The following LRFN5 variants were observed in gnomAD, a reference collection of about 807,000 sequenced individuals.
LRFN5 encodes leucine rich repeat and fibronectin type III domain containing 5.
A neutral mutation model predicts 45.6 loss-of-function variants in LRFN5; 24 were observed. The ratio of observed to expected loss-of-function variants is 0.53; its 90% CI spans 0.38 to 0.74. The LOEUF (loss-of-function observed/expected upper bound fraction) is 0.74. Among genes scored for constraint, LRFN5 ranks in the 30% least tolerant of loss-of-function variants. The probability of loss-of-function intolerance (pLI) is 0.00; values close to 1 mark genes in which losing one functional copy is unlikely to be tolerated. For missense variants in LRFN5, 776 were observed against 861.5 expected (o/e 0.90, Z 1.24); for synonymous variants, 340 against 313.8 (o/e 1.08, Z -0.88).
chr14:41,780,496 C>T (rs1346542116), intron 2 of LRFN5, among the ~76,000 whole-genome samples: 1 of 152,098 alleles, frequency 6.6e-6, no homozygotes, highest in East Asian at 1.9e-4. Context: ...GATATAGCTA[C>T]TTCAGCTTTC....
At position 41,899,258 on chromosome 14, in the gene LRFN5, A is replaced by G. The variant is rs75659507; in HGVS notation, c.2142+298A>G. 7.8e-3 allele frequency among the ~76,000 whole-genome samples: 1,180 copies of G among 152,246 alleles called. 18 individuals carry two copies. The highest frequency in any genetic ancestry group is 0.027 in the African/African-American group (1,131 of 41,560). ...TCACTCTTGTAGTCATACATGATAC[A>G]ATGTGCATTTTTACAAATATTTCCA... On this transcript the variant is annotated intron_variant, in intron 5 of 5. Coordinates refer to ENST00000298119, the MANE Select transcript of LRFN5 (RefSeq NM_152447.5).
intron 2 of LRFN5, among the ~76,000 whole-genome samples, chr14:41,822,858 T>G (rs1303076024): frequency 8.8e-6 from 1 of 113,336 alleles, no homozygotes; most frequent in Admixed American, 9.7e-5. Flanking sequence ...GGGTTGTTTT[T>G]TTTTTTTTTT....
In LRFN5 at chr14:41,795,280, G is replaced by A. The variant is rs1887079026; in HGVS notation, c.-21+28251G>A. 5.3e-5 allele frequency among the ~76,000 whole-genome samples: 8 copies of A among 152,174 alleles called. No homozygotes were observed. The South Asian group carries it at 1.7e-3, about 32-fold the overall frequency. ...ATCATTAAAAAGTCAGGAAACAATA[G>A]GTGCTGGAGAGGATGTGGAGAAATA... On this transcript the variant is annotated intron_variant, in intron 2 of 5. Transcript: ENST00000298119.
intron 1 of LRFN5, among the ~76,000 whole-genome samples, chr14:41,745,369 A>G (rs1273945700): frequency 1.3e-5 from 2 of 152,068 alleles, no homozygotes; most frequent in Admixed American, 1.3e-4. Context: ...AACTTACGGT[A>G]CTCAGTGAAA....
At chr14:41,689,975 A>G (rs1406270927) in intron 1 of LRFN5, among the ~76,000 whole-genome samples, 2 of 152,052 alleles carry the variant, frequency 1.3e-5, no homozygotes, top group South Asian at 2.1e-4. Context: ...TATGAAAAAC[A>G]TTGAAAGAAT....
intron 1 of LRFN5, among the ~76,000 whole-genome samples, chr14:41,707,866 C>T (rs1883130513): frequency 6.6e-6 from 1 of 151,904 alleles, no homozygotes; most frequent in South Asian, 2.1e-4. Context: ...ACTGTTAATT[C>T]TTTTACACAA....
chr14:41,902,761 A>G (rs1333490438), intron 5 of LRFN5, among the ~76,000 whole-genome samples: 1 of 151,724 alleles, frequency 6.6e-6, no homozygotes, highest in Non-Finnish European at 1.5e-5. Flanking sequence ...TTTTACTTTT[A>G]CTACTTTTTG....
rs939026482 is a variant in LRFN5 at position 41,742,312 on chromosome 14, T to C, written c.-196-24542T>C. On this transcript the variant is annotated intron_variant, in intron 1 of 5. Transcript: ENST00000298119. ...ATTAATGAAGAAAATGTGGTGTGTATACACACACACACACACACACACACA... is the reference window on the plus strand; with the variant it reads ...ATTAATGAAGAAAATGTGGTGTGTACACACACACACACACACACACACACA... Among the ~76,000 whole-genome samples, 25 of 145,244 alleles carry C rather than the reference T, an allele frequency of 1.7e-4. No homozygotes were observed. In the South Asian group the frequency reaches 3.3e-3, roughly 19 times the overall value.
intron 1 of LRFN5, among the ~76,000 whole-genome samples, chr14:41,642,672 G>A (rs2138601259): frequency 6.6e-6 from 1 of 152,240 alleles, no homozygotes; most frequent in Middle Eastern, 3.4e-3. Flanking sequence ...ATAGTGACCT[G>A]GATCAAATGA....
chr14:41,685,492 G>A (rs1442610849), intron 1 of LRFN5, among the ~76,000 whole-genome samples: 1 of 152,066 alleles, frequency 6.6e-6, no homozygotes, highest in Non-Finnish European at 1.5e-5. Context: ...TGTCAATTTT[G>A]GCTTTTTGGC....
At chr14:41,752,744 T>G (rs1369744999) in intron 1 of LRFN5, among the ~76,000 whole-genome samples, 8 of 152,226 alleles carry the variant, frequency 5.3e-5, no homozygotes, top group African/African-American at 1.9e-4. Context: ...TAGTTTCTTT[T>G]GCTGTGCAGA....
chr14:41,812,354 T>C (rs1434230045), intron 2 of LRFN5, among the ~76,000 whole-genome samples: 8 of 151,942 alleles, frequency 5.3e-5, no homozygotes, highest in Admixed American at 5.3e-4. Context: ...ACTAGCATCT[T>C]AATAATATTA....
chr14:41,779,543 A>G (rs182019213), intron 2 of LRFN5, among the ~76,000 whole-genome samples: 61 of 152,058 alleles, frequency 4.0e-4, no homozygotes, highest in Non-Finnish European at 2.8e-4. Flanking sequence ...ATTTGTAGAG[A>G]ACAACATAAT....
intron 2 of LRFN5, among the ~76,000 whole-genome samples, chr14:41,831,881 G>A (rs1320549815): frequency 6.6e-6 from 1 of 152,032 alleles, no homozygotes; most frequent in Non-Finnish European, 1.5e-5. Flanking sequence ...TCAAGATCAA[G>A]GTGCCCACAA....
rs567567778 is a variant in LRFN5, at chr14:41,880,667, T to G, written c.-20-5939T>G. ...TTGATAGTGCTGTGTAAATCTTTTA[T>G]AGCTACTGCTCTCTCTTTTTTGTCA... On this transcript the variant is annotated intron_variant, in intron 2 of 5. Coordinates refer to ENST00000298119, the MANE Select transcript of LRFN5 (RefSeq NM_152447.5). Among the ~76,000 whole-genome samples, 7 of 152,314 alleles carry G rather than the reference T, an allele frequency of 4.6e-5. No individual in the cohort carries two copies. The East Asian group carries it at 1.4e-3, about 29-fold the overall frequency.
chr14:41,715,509 G>T (rs1883457705), intron 1 of LRFN5, among the ~76,000 whole-genome samples: 1 of 152,110 alleles, frequency 6.6e-6, no homozygotes, highest in South Asian at 2.1e-4. Flanking sequence ...TTAATTTTCA[G>T]ATGGACACTT....
At position 41,892,137 on chromosome 14, in the gene LRFN5, A is replaced by G. The variant is rs1161953589; in HGVS notation, c.2098+175A>G. The G allele has an allele frequency of 4.1e-6, 4 of 985,284 alleles. No individual in the cohort carries two copies. The African/African-American group carries it at 5.2e-5, about 13-fold the overall frequency. 61.0% of individuals were successfully genotyped at this position (985,284 alleles called of 1,614,324 possible). A position where few individuals can be genotyped will look rare whatever the true frequency, so the allele number is the denominator to read the frequency against. On this transcript the variant is annotated intron_variant, in intron 4 of 5. Transcript: ENST00000298119. Reference sequence around the variant, plus strand: ...ATTCAGTCTGACTGTTCTGATGGTCATAGTGGAAAGGCAACTCTCAAATTC... The same window carrying G: ...ATTCAGTCTGACTGTTCTGATGGTCGTAGTGGAAAGGCAACTCTCAAATTC...
At chr14:41,723,616 C>T (rs1046601984) in intron 1 of LRFN5, among the ~76,000 whole-genome samples, 4 of 152,086 alleles carry the variant, frequency 2.6e-5, no homozygotes, top group African/African-American at 9.7e-5. Context: ...AGCAATGACA[C>T]ACACAGACTG....
chr14:41,791,624 C>T (rs1886923749), intron 2 of LRFN5, among the ~76,000 whole-genome samples: 1 of 152,008 alleles, frequency 6.6e-6, no homozygotes, highest in African/African-American at 2.4e-5. Flanking sequence ...TTGTCACAAT[C>T]ATGTCATTTT....
Sources: gnomAD v4.1 joint callset for allele counts (sites outside exome capture counted in the v4.1 genomes callset) on GRCh38, gnomAD v4.1.1 for gene constraint, MANE v1.5 for transcripts, NCBI Gene and HGNC (gene_info 2026-07-23, HGNC 2026-07-21) for gene names.